The following UMAD1 variants were observed in gnomAD, a reference collection of about 807,000 sequenced individuals.
The protein encoded by UMAD1 is UBAP1-MVB12-associated (UMA) domain containing 1, also known as UBAP1-MVB12-associated (UMA)-domain containing protein 1.
In UMAD1, 8 loss-of-function variants were observed where a neutral mutation model predicts 6.1. The ratio of observed to expected loss-of-function variants is 1.30; its 90% CI spans 0.76 to 2.35. The LOEUF (loss-of-function observed/expected upper bound fraction) is 2.35. Ranked by LOEUF, UMAD1 falls within the 30% of genes most tolerant of loss-of-function variation. The pLI is 0.00. For synonymous variants in UMAD1, 56 were observed against 31.4 expected (o/e 1.78, Z -2.61); for missense variants, 130 against 78.4 (o/e 1.66, Z -2.49).
intron 2 of UMAD1, among the ~76,000 whole-genome samples, chr7:7,797,134 G>C (rs559192050): frequency 7.7e-4 from 117 of 152,272 alleles, no homozygotes; most frequent in Non-Finnish European, 1.0e-3. Flanking sequence ...TACAATCATG[G>C]CAGAAGGTGA....
At position 7,681,454 on chromosome 7, in the gene UMAD1, C is replaced by T. The variant is rs550965434; in HGVS notation, c.82+8001C>T. On this transcript the variant is annotated intron_variant, in intron 2 of 3. Transcript: ENST00000682710. ...CACATTTGGACAGAAAACCTTTCTCCGCATTAAGATTTCGAAAGCTTTTAG... is the reference window on the plus strand; with the variant it reads ...CACATTTGGACAGAAAACCTTTCTCTGCATTAAGATTTCGAAAGCTTTTAG... Among the ~76,000 whole-genome samples, 18 of 152,158 alleles carry T rather than the reference C, an allele frequency of 1.2e-4. No homozygotes were observed. In the Middle Eastern group the frequency reaches 0.017, roughly 144 times the overall value.
intron 1 of UMAD1, among the ~76,000 whole-genome samples, chr7:7,652,528 G>C (rs965680161): frequency 6.6e-6 from 1 of 152,212 alleles, no homozygotes; most frequent in South Asian, 2.1e-4. Flanking sequence ...TTAATGCATG[G>C]TTGATGCTGG....
chr7:7,824,156 A>G (rs902490290), intron 3 of UMAD1, among the ~76,000 whole-genome samples: 5 of 152,014 alleles, frequency 3.3e-5, no homozygotes, highest in African/African-American at 1.2e-4. Flanking sequence ...TGTAACTTGC[A>G]TGTCCTCATC....
At chr7:7,872,671 A>G (rs990505429) in intron 3 of UMAD1, among the ~76,000 whole-genome samples, 2 of 152,250 alleles carry the variant, frequency 1.3e-5, no homozygotes, top group Admixed American at 6.5e-5. Context: ...TTCAATTTGT[A>G]AAAAATGGAG....
intron 3 of UMAD1, among the ~76,000 whole-genome samples, chr7:7,836,025 C>G (rs2115309545): frequency 6.6e-6 from 1 of 152,104 alleles, no homozygotes; most frequent in South Asian, 2.1e-4. Context: ...GAAATTTAAT[C>G]ATCCACGGTC....
intron 2 of UMAD1, among the ~76,000 whole-genome samples, chr7:7,747,960 AT>A (rs1488396215): frequency 1.3e-5 from 2 of 152,154 alleles, no homozygotes; most frequent in Non-Finnish European, 2.9e-5. Flanking sequence ...ATGTTTTATG[AT>A]TATATATGTT....
intron 2 of UMAD1, among the ~76,000 whole-genome samples, chr7:7,763,446 G>T (rs1264288815): frequency 6.6e-6 from 1 of 152,132 alleles, no homozygotes; most frequent in Non-Finnish European, 1.5e-5. Flanking sequence ...CACAGTGTCT[G>T]TCATTCCTGT....
intron 2 of UMAD1, among the ~76,000 whole-genome samples, chr7:7,704,603 A>G (rs919072306): frequency 2.8e-5 from 4 of 144,592 alleles, no homozygotes; most frequent in African/African-American, 8.4e-5. Flanking sequence ...AAATAGAAAA[A>G]AAAAAAAAAA....
At chr7:7,871,505 G>C (rs1381971683) in intron 3 of UMAD1, among the ~76,000 whole-genome samples, 1 of 152,144 alleles carries the variant, frequency 6.6e-6, no homozygotes, top group Non-Finnish European at 1.5e-5. Context: ...ACTAATAGGA[G>C]CACATACCCT....
At chr7:7,682,225 CCAGAATTTAATAATTCA>C (rs1356971573) in intron 2 of UMAD1, among the ~76,000 whole-genome samples, 3 of 152,090 alleles carry the variant, frequency 2.0e-5, no homozygotes, top group Non-Finnish European at 4.4e-5. Context: ...GAATTTAGAA[CCAGAATTTAATAATTCA>C]CAGCAGCTTG....
chr7:7,827,147 ATGTGTG>A (rs60211625), intron 3 of UMAD1, among the ~76,000 whole-genome samples: 3 of 134,200 alleles, frequency 2.2e-5, no homozygotes, highest in Admixed American at 7.5e-5. Context: ...ATATATATAT[ATGTGTG>A]TGTGTGTGTG....
At chr7:7,690,097 C>T (rs370328298) in intron 2 of UMAD1, among the ~76,000 whole-genome samples, 1 of 152,058 alleles carries the variant, frequency 6.6e-6, no homozygotes, top group African/African-American at 2.4e-5. Context: ...TTTTCAGGAA[C>T]GTATTACTGA....
At chr7:7,735,578 G>A (rs1160647352) in intron 2 of UMAD1, among the ~76,000 whole-genome samples, 1 of 152,020 alleles carries the variant, frequency 6.6e-6, no homozygotes, top group East Asian at 1.9e-4. Context: ...CCCAGCTAAT[G>A]TTTGTATTTT....
chr7:7,653,788 A>G (rs1436879668), intron 1 of UMAD1, among the ~76,000 whole-genome samples: 1 of 152,206 alleles, frequency 6.6e-6, no homozygotes, highest in South Asian at 2.1e-4. Context: ...TTTGTCCCCT[A>G]GGAGACATTT....
At chr7:7,800,250 AC>A (rs1027389410) in intron 2 of UMAD1, among the ~76,000 whole-genome samples, 27 of 152,254 alleles carry the variant, frequency 1.8e-4, no homozygotes, top group African/African-American at 5.8e-4. Context: ...TTTATTGAAC[AC>A]CTATTGTGTG....
At chr7:7,755,686 A>C (rs1053828208) in intron 2 of UMAD1, among the ~76,000 whole-genome samples, 1 of 152,182 alleles carries the variant, frequency 6.6e-6, no homozygotes, top group African/African-American at 2.4e-5. Context: ...TTGCAGAAAA[A>C]TTTAAGATTA....
At chr7:7,842,461 AT>A (rs1241896102) in intron 3 of UMAD1, among the ~76,000 whole-genome samples, 1 of 152,128 alleles carries the variant, frequency 6.6e-6, no homozygotes, top group Admixed American at 6.5e-5. Context: ...AGGTCTTAAG[AT>A]GTCTTATTTC....
At chr7:7,647,870 G>T (rs1267720216) in intron 1 of UMAD1, among the ~76,000 whole-genome samples, 2 of 152,200 alleles carry the variant, frequency 1.3e-5, no homozygotes, top group African/African-American at 2.4e-5. Context: ...CTCTCAGAGT[G>T]CTAGGATTAC....
At chr7:7,738,041 G>A (rs1333020497) in intron 2 of UMAD1, among the ~76,000 whole-genome samples, 1 of 152,140 alleles carries the variant, frequency 6.6e-6, no homozygotes, top group East Asian at 1.9e-4. Flanking sequence ...TGAGAAAATG[G>A]ATTCTAAAGT....
Sources: allele counts gnomAD v4.1 joint callset (sites outside exome capture counted in the v4.1 genomes callset), GRCh38; gene constraint gnomAD v4.1.1; transcripts MANE v1.5; gene names NCBI Gene and HGNC (gene_info 2026-07-23, HGNC 2026-07-21).